PCNP: variants seen among roughly 807,000 people sequenced by gnomAD.
PCNP encodes PEST proteolytic signal containing nuclear protein, also known as PEST proteolytic signal-containing nuclear protein.
PCNP carries 6 observed loss-of-function variants against 21.8 expected under a neutral mutation model. The ratio of observed to expected loss-of-function variants is 0.28; its 90% CI spans 0.15 to 0.54. The LOEUF (loss-of-function observed/expected upper bound fraction) is 0.54. Ranked by LOEUF, PCNP falls within the 20% of genes least tolerant of loss-of-function variation. The pLI is 0.95. For missense variants in PCNP, 161 were observed against 215.5 expected, an observed-to-expected ratio of 0.75 and a Z score of 1.58; for synonymous variants, 67 against 73.2, an observed-to-expected ratio of 0.92 and a Z score of 0.43.
Position 101,585,425 on chromosome 3 carries a change from TTTC to T in PCNP, c.280-5_280-3del. ...TCTACATGATATTCTTTTTAATATG[TTTC>T]TTCTTCAGAAGCCTAAAGAAACTGT... On this transcript the variant is annotated splice_polypyrimidine_tract_variant and intron_variant, in intron 2 of 4. Transcript: ENST00000265260. The T allele has an allele frequency of 6.6e-7, 1 of 1,515,224 alleles. No individual in the cohort carries two copies. The highest frequency in any genetic ancestry group is 9.1e-7 in the Non-Finnish European group (1 of 1,100,668). The allele number at this position is 1,515,224 out of a possible 1,614,324, so 93.9% of individuals were successfully genotyped here.
chr3:101,578,271 A>G (rs1265048517), intron 1 of PCNP, among the ~76,000 whole-genome samples: 1 of 152,240 alleles, frequency 6.6e-6, no homozygotes, highest in African/African-American at 2.4e-5. Flanking sequence ...TTAGAGCTAC[A>G]AATAGAATAC....
At chr3:101,580,940 G>T (rs1352334812) in intron 2 of PCNP, among the ~76,000 whole-genome samples, 1 of 152,168 alleles carries the variant, frequency 6.6e-6, no homozygotes, top group African/African-American at 2.4e-5. Context: ...CTTTGAGTTG[G>T]TTATTTTTAT....
At chr3:101,592,426 G>A (rs906560902) in intron 4 of PCNP, among the ~76,000 whole-genome samples, 16 of 150,200 alleles carry the variant, frequency 1.1e-4, no homozygotes, top group Admixed American at 2.6e-4. Context: ...CACCTGCCTC[G>A]ACCTCCCAAA....
chr3:101,586,379 T>G (rs929105735), intron 3 of PCNP, among the ~76,000 whole-genome samples: 116 of 152,106 alleles, frequency 7.6e-4, no homozygotes, highest in African/African-American at 2.7e-3. Context: ...CTTCCCATGT[T>G]ATGAATGACC....
chr3:101,591,827 A>C (rs1935827106), intron 4 of PCNP, among the ~76,000 whole-genome samples: 3 of 134,060 alleles, frequency 2.2e-5, no homozygotes. Context: ...GCTGGAGTGC[A>C]GTGGTGTGAT....
At chr3:101,584,757 C>T (rs1001154748) in intron 2 of PCNP, among the ~76,000 whole-genome samples, 8 of 151,934 alleles carry the variant, frequency 5.3e-5, no homozygotes, top group Non-Finnish European at 1.2e-4. Context: ...GTAGAGAGCA[C>T]CTTGGGAGGC....
chr3:101,579,052 T>C (rs550584645), intron 1 of PCNP, among the ~76,000 whole-genome samples: 1 of 152,164 alleles, frequency 6.6e-6, no homozygotes, highest in African/African-American at 2.4e-5. Context: ...CAAACCTACA[T>C]ATGTATGCCT....
intron 2 of PCNP, among the ~76,000 whole-genome samples, chr3:101,581,237 T>C (rs1184231259): frequency 2.0e-5 from 3 of 152,186 alleles, no homozygotes; most frequent in Non-Finnish European, 4.4e-5. Context: ...TTTTGTTTAA[T>C]ATGTAGTTAT....
intron 1 of PCNP, among the ~76,000 whole-genome samples, chr3:101,577,435 GCTC>G (rs1934981527): frequency 6.6e-6 from 1 of 152,208 alleles, no homozygotes; most frequent in African/African-American, 2.4e-5. Flanking sequence ...TAGAGAGGTA[GCTC>G]TGCCCTTCTT....
intron 2 of PCNP, 146 bp from the exon 3 acceptor site, chr3:101,585,291 G>A (rs1381307724): frequency 1.9e-6 from 1 of 532,782 alleles, no homozygotes; most frequent in East Asian, 3.3e-5. Context: ...AAGAGAGAAT[G>A]GATTTGTCCA....
intron 1 of PCNP, 164 bp from the exon 2 acceptor site, chr3:101,579,626 C>G: frequency 1.4e-6 from 1 of 717,554 alleles, no homozygotes; most frequent in Non-Finnish European, 2.6e-6. Context: ...CACACAATCT[C>G]AGTTCCTGCT....
intron 4 of PCNP, among the ~76,000 whole-genome samples, chr3:101,591,442 A>C (rs760780513): frequency 2.6e-5 from 4 of 152,224 alleles, no homozygotes; most frequent in Non-Finnish European, 5.9e-5. Context: ...GTAAGTCTCC[A>C]AACTTCCATT....
intron 2 of PCNP, among the ~76,000 whole-genome samples, chr3:101,583,105 G>T (rs1039177086): frequency 6.6e-6 from 1 of 151,922 alleles, no homozygotes; most frequent in East Asian, 1.9e-4. Flanking sequence ...AGGCAGGATT[G>T]CTTGAGCTCA....
chr3:101,590,137 T>C (rs1935730355), intron 3 of PCNP, 78 bp from the exon 4 acceptor site: 2 of 778,340 alleles, frequency 2.6e-6, no homozygotes. Context: ...GACTTAGATA[T>C]AAAATTTAGC....
chr3:101,594,328 C>T lies in PCNP; in HGVS notation c.*1575C>T, dbSNP rs778759118. On this transcript the variant is annotated 3_prime_UTR_variant, in exon 5 of 5. Coordinates refer to ENST00000265260, the MANE Select transcript of PCNP (RefSeq NM_020357.3). The stretch of plus-strand genomic sequence containing the variant: ...TTGTTAAAATAACATACCTCTCCTA[C>T]GTATTATTTTCTTGACCCAAATGAA... 3 of 152,540 alleles carry T rather than the reference C, an allele frequency of 2.0e-5. No individual in the cohort carries two copies. Among genetic ancestry groups the T allele is most frequent in the African/African-American group, 7.2e-5 (3 of 41,434 alleles). 9.4% of individuals were successfully genotyped at this position (152,540 alleles called of 1,614,324 possible). A position where few individuals can be genotyped will look rare whatever the true frequency, so the allele number is the denominator to read the frequency against.
intron 1 of PCNP, 61 bp from the exon 2 acceptor site, chr3:101,579,729 G>T: frequency 8.7e-7 from 1 of 1,143,722 alleles, no homozygotes; most frequent in Non-Finnish European, 1.3e-6. Context: ...TGAGGTTGCT[G>T]CTCCCATCAA....
In PCNP at chr3:101,590,322, A is replaced by G. The variant is rs1270228032; in HGVS notation, c.410+52A>G. 5.4e-6 allele frequency: 5 copies of G among 932,620 alleles called. No homozygotes were observed. The East Asian group carries it at 1.3e-4, about 24-fold the overall frequency. The allele number at this position is 932,620 out of a possible 1,614,324, so 57.8% of individuals were successfully genotyped here. A position where few individuals can be genotyped will look rare whatever the true frequency, so the allele number is the denominator to read the frequency against. ...AGAAAGATACAAAGGTGAATTAACAAAAATAACTTGCACATGATTTCTTAC... is the reference window on the plus strand; with the variant it reads ...AGAAAGATACAAAGGTGAATTAACAGAAATAACTTGCACATGATTTCTTAC... On this transcript the variant is annotated intron_variant, in intron 4 of 4. Transcript: ENST00000265260.
At chr3:101,583,406 A>G (rs1935333168) in intron 2 of PCNP, among the ~76,000 whole-genome samples, 1 of 152,116 alleles carries the variant, frequency 6.6e-6, no homozygotes, top group Non-Finnish European at 1.5e-5. Context: ...GTGAGCTGAG[A>G]TCGTGACATT....
At chr3:101,581,796 A>G (rs1487167625) in intron 2 of PCNP, among the ~76,000 whole-genome samples, 1 of 151,396 alleles carries the variant, frequency 6.6e-6, no homozygotes, top group Non-Finnish European at 1.5e-5. Flanking sequence ...GCTGCAGTGC[A>G]ATGGTGCGAT....
Sources: allele counts gnomAD v4.1 joint callset (sites outside exome capture counted in the v4.1 genomes callset), GRCh38; gene constraint gnomAD v4.1.1; transcripts MANE v1.5; gene names NCBI Gene and HGNC (gene_info 2026-07-23, HGNC 2026-07-21).